Variants in IGFBP7 observed in about 807,000 individuals in gnomAD.
The protein encoded by IGFBP7 is insulin like growth factor binding protein 7.
Under a neutral mutation model 29.4 loss-of-function variants are expected in IGFBP7, and 31 were observed. The ratio of observed to expected loss-of-function variants is 1.05; its 90% confidence interval spans 0.79 to 1.42. The LOEUF is 1.42. Among genes scored for constraint, IGFBP7 ranks in the 40% most tolerant of loss-of-function variants. IGFBP7 has a pLI of 0.00. For missense variants in IGFBP7, 393 were observed against 395.5 expected, an observed-to-expected ratio of 0.99 and a Z score of 0.05; for synonymous variants, 172 against 174.9, an observed-to-expected ratio of 0.98 and a Z score of 0.13.
intron 2 of IGFBP7, among the ~76,000 whole-genome samples, chr4:57,034,057 A>AAAC (rs1363789360): frequency 8.6e-5 from 13 of 151,362 alleles, no homozygotes; most frequent in Non-Finnish European, 1.3e-4. Flanking sequence ...CTCAAAAAAA[A>AAAC]AAAAAAAAAA....
chr4:57,042,320 G>A (rs1255036107), intron 1 of IGFBP7, among the ~76,000 whole-genome samples: 2 of 152,206 alleles, frequency 1.3e-5, no homozygotes, highest in Non-Finnish European at 2.9e-5. Context: ...AGCTAAGAAT[G>A]GTGTTTGGAT....
chr4:57,084,663 T>C (rs1725451552), intron 1 of IGFBP7, among the ~76,000 whole-genome samples: 2 of 152,148 alleles, frequency 1.3e-5, no homozygotes, highest in African/African-American at 4.8e-5. Flanking sequence ...GAAACCTGAA[T>C]TGCCTCTATT....
At chr4:57,092,670 T>C (rs1324417563) in intron 1 of IGFBP7, among the ~76,000 whole-genome samples, 1 of 149,998 alleles carries the variant, frequency 6.7e-6, no homozygotes, top group Non-Finnish European at 1.5e-5. Flanking sequence ...TAAAAATTTA[T>C]ATATATATAT....
At chr4:57,088,498 A>T (rs1385716946) in intron 1 of IGFBP7, among the ~76,000 whole-genome samples, 1 of 152,110 alleles carries the variant, frequency 6.6e-6, no homozygotes, top group Non-Finnish European at 1.5e-5. Context: ...TCCCATCTCT[A>T]GTTATCCCTC....
At chr4:57,061,742 G>A (rs1274101952) in intron 1 of IGFBP7, among the ~76,000 whole-genome samples, 2 of 152,178 alleles carry the variant, frequency 1.3e-5, no homozygotes, top group Non-Finnish European at 2.9e-5. Context: ...ACTGAAACTG[G>A]AAAGCAAAAC....
chr4:57,088,187 A>T (rs2109792413), intron 1 of IGFBP7, among the ~76,000 whole-genome samples: 1 of 151,848 alleles, frequency 6.6e-6, no homozygotes, highest in South Asian at 2.1e-4. Flanking sequence ...TGTTGCCCAG[A>T]CTGGTCTTGA....
chr4:57,099,773 C>T (rs1291217557), intron 1 of IGFBP7, among the ~76,000 whole-genome samples: 3 of 152,268 alleles, frequency 2.0e-5, no homozygotes, highest in African/African-American at 7.2e-5. Context: ...TTCTGTCATC[C>T]AGGCTGGAGT....
intron 1 of IGFBP7, among the ~76,000 whole-genome samples, chr4:57,108,967 T>C (rs1225096045): frequency 6.6e-6 from 1 of 152,038 alleles, no homozygotes; most frequent in Non-Finnish European, 1.5e-5. Flanking sequence ...TGCAAAACAA[T>C]ACAAATCAAA....
intron 1 of IGFBP7, among the ~76,000 whole-genome samples, chr4:57,059,996 T>C (rs1724762135): frequency 6.6e-6 from 1 of 152,214 alleles, no homozygotes. Flanking sequence ...ATGGATTAAT[T>C]TGTCCCAGTC....
intron 1 of IGFBP7, among the ~76,000 whole-genome samples, chr4:57,077,746 G>C (rs28699131): frequency 0.064 from 9,699 of 152,198 alleles, 343 homozygotes; most frequent in Middle Eastern, 0.095. Flanking sequence ...CAGAACTGCC[G>C]CGTCACTCAC....
At chr4:57,032,102 A>G in intron 4 of IGFBP7, 1 of 250,698 alleles carries the variant, frequency 4.0e-6, no homozygotes, top group South Asian at 9.3e-5. Flanking sequence ...TAGGAATTTA[A>G]TAGTCACAAC....
Position 57,033,288 on chromosome 4 carries a change from A to G in IGFBP7, c.609T>C (p.Val203=), listed in dbSNP as rs1723993560. ...CACCAGGCAGGAGTTCTGTCCTTTGAACTCCATAGTGACCCCTTTTTACCT... is the reference window on the plus strand; with the variant it reads ...CACCAGGCAGGAGTTCTGTCCTTTGGACTCCATAGTGACCCCTTTTTACCT... ...WNKVKRGHYG[V]QRTELLPGDR... Residue 203 remains valine (V), a synonymous_variant, in exon 3 of 5, where the codon GTT becomes GTC. Transcript: ENST00000295666. 1 of 1,613,908 alleles carries G rather than the reference A, an allele frequency of 6.2e-7. No individual in the cohort carries two copies. Among genetic ancestry groups the G allele is most frequent in the African/African-American group, 1.3e-5 (1 of 75,030 alleles).
intron 1 of IGFBP7, among the ~76,000 whole-genome samples, chr4:57,053,280 G>A (rs186254036): frequency 6.6e-6 from 1 of 152,260 alleles, no homozygotes; most frequent in East Asian, 1.9e-4. Flanking sequence ...GGCTCCCAGG[G>A]TGCTGGGATT....
intron 1 of IGFBP7, among the ~76,000 whole-genome samples, chr4:57,057,390 C>T (rs1484903934): frequency 1.3e-5 from 2 of 152,186 alleles, no homozygotes; most frequent in Admixed American, 6.5e-5. Flanking sequence ...CTAACGGTCA[C>T]GTGAACCTGG....
At chr4:57,093,613 C>A (rs1019881785) in intron 1 of IGFBP7, among the ~76,000 whole-genome samples, 4 of 151,892 alleles carry the variant, frequency 2.6e-5, no homozygotes, top group Non-Finnish European at 5.9e-5. Flanking sequence ...GTCATTGCAC[C>A]TATTAAATTT....
At chr4:57,052,331 G>A (rs866250021) in intron 1 of IGFBP7, among the ~76,000 whole-genome samples, 6 of 152,276 alleles carry the variant, frequency 3.9e-5, no homozygotes, top group Middle Eastern at 6.8e-3. Flanking sequence ...GTGTCAGTCT[G>A]AGGAAGGTGC....
intron 1 of IGFBP7, among the ~76,000 whole-genome samples, chr4:57,047,333 T>C (rs376634690): frequency 1.3e-5 from 2 of 152,216 alleles, no homozygotes; most frequent in South Asian, 4.1e-4. Flanking sequence ...CCACCATGAT[T>C]GTGAGGCCTC....
chr4:57,039,065 C>CAAAAAAAAAAAAA (rs71208974), intron 2 of IGFBP7, among the ~76,000 whole-genome samples: 23 of 106,454 alleles, frequency 2.2e-4, no homozygotes, highest in South Asian at 6.5e-4. Flanking sequence ...AACTATGTCT[C>CAAAAAAAAAAAAA]AAAAAAAAAA....
intron 1 of IGFBP7, 183 bp downstream of exon 1, chr4:57,109,694 G>C: frequency 3.0e-6 from 2 of 674,528 alleles, no homozygotes; most frequent in Non-Finnish European, 2.3e-6. Context: ...AGAAGGGGGG[G>C]CGTCGCCCAC....
Sources: gnomAD v4.1 joint callset for allele counts (sites outside exome capture counted in the v4.1 genomes callset) on GRCh38, gnomAD v4.1.1 for gene constraint, MANE v1.5 for transcripts, NCBI Gene and HGNC (gene_info 2026-07-23, HGNC 2026-07-21) for gene names.